The following SUGP2 variants were observed in gnomAD, a reference collection of about 807,000 sequenced individuals.
The protein encoded by SUGP2 is SURP and G-patch domain-containing protein 2.
In SUGP2, 24 loss-of-function variants were observed where a neutral mutation model predicts 90.5. The ratio of observed to expected loss-of-function variants is 0.27; its 90% CI spans 0.19 to 0.37. The LOEUF (loss-of-function observed/expected upper bound fraction) is 0.37. Among genes scored for constraint, SUGP2 ranks in the 10% least tolerant of loss-of-function variants. The pLI, the probability that SUGP2 is intolerant of heterozygous loss-of-function variation, is 1.00. For synonymous variants in SUGP2, 473 were observed against 513.4 expected (o/e 0.92, Z 1.06); for missense variants, 1,233 against 1,363.3 (o/e 0.90, Z 1.51).
At chr19:19,021,251 G>C (rs540044725) in intron 3 of SUGP2, among the ~76,000 whole-genome samples, 3 of 150,670 alleles carry the variant, frequency 2.0e-5, no homozygotes, top group Non-Finnish European at 2.9e-5. Flanking sequence ...AGGTTTTCCA[G>C]TTTGTTCTGT....
chr19:19,009,995 G>A lies in SUGP2; in HGVS notation c.2198C>T (p.Ala733Val). 6.2e-7 allele frequency: 1 copy of A among 1,614,164 alleles called. No individual in the cohort carries two copies. The highest frequency in any genetic ancestry group is 8.5e-7 in the Non-Finnish European group (1 of 1,180,036). The change falls in exon 5 of 11, where the codon GCT becomes GTT. Residue 733 changes from alanine to valine, a missense_variant. By Grantham distance (64) the Ala-to-Val change is moderately conservative. Transcript: ENST00000452918. ...AKPSLPDRND[A>V]AKDCPPDPVG... ...TGGGTCTGGCGGGCAGTCCTTGGCA[G>A]CATCATTTCTGTCTGGCAGGGATGG...
chr19:19,002,782 G>C (rs1599423466), intron 7 of SUGP2, among the ~76,000 whole-genome samples: 1 of 151,646 alleles, frequency 6.6e-6, no homozygotes, highest in East Asian at 1.9e-4. Flanking sequence ...CAGAGTGCTG[G>C]GATTACAGGT....
chr19:19,016,195 A>AT (rs566185847), intron 4 of SUGP2, among the ~76,000 whole-genome samples: 32 of 150,814 alleles, frequency 2.1e-4, no homozygotes, highest in African/African-American at 7.3e-4. Flanking sequence ...GGCCCGGCTA[A>AT]TTTTTTTTTG....
Position 19,001,603 on chromosome 19 carries a change from T to TTAG in SUGP2, c.2991+9_2991+10insCTA. 1 of 1,614,138 alleles carries TTAG rather than the reference T, an allele frequency of 6.2e-7. No individual in the cohort carries two copies. Among genetic ancestry groups the TTAG allele is most frequent in the Non-Finnish European group, 8.5e-7 (1 of 1,179,944 alleles). On this transcript the variant is annotated intron_variant, in intron 8 of 10. Coordinates refer to ENST00000452918, the MANE Select transcript of SUGP2 (RefSeq NM_001017392.5). ...TACTTTGAGTGAGGACTACCAATGATTACGCTCACCTTCTTTTTGGACATG... is the reference window on the plus strand; with the variant it reads ...TACTTTGAGTGAGGACTACCAATGATTAGTACGCTCACCTTCTTTTTGGACATG...
At chr19:19,033,638 T>G (rs2059289188), upstream of SUGP2, 1 of 1,076,322 alleles carries the variant, frequency 9.3e-7, no homozygotes, top group South Asian at 4.6e-5. Flanking sequence ...CGCTGTCCGC[T>G]TCTTCTGGGC....
At chr19:19,002,377 T>A (rs1316823404) in intron 7 of SUGP2, among the ~76,000 whole-genome samples, 13 of 144,586 alleles carry the variant, frequency 9.0e-5, no homozygotes, top group African/African-American at 3.3e-4. Context: ...CAAGAGTCCA[T>A]CTCAAAAAAA....
chr19:19,033,223 G>C (rs2059258411), intron 1 of SUGP2: 1 of 327,224 alleles, frequency 3.1e-6, no homozygotes, highest in Admixed American at 5.9e-5. Context: ...GCGGCCCGCC[G>C]TCTCCCGGCC....
Position 19,019,152 on chromosome 19 carries a change from A to T in SUGP2, c.1807T>A (p.Ser603Thr), listed in dbSNP as rs1452857007. The stretch of plus-strand genomic sequence containing the variant: ...TTGAGAAGAGTTCTCTCTTTGGGAG[A>T]CAGGCTGCCTTCGATGACACGTTTC... ...LVKRVIEGSLSPKERTLLKED... is the reference protein window; with the variant it reads ...LVKRVIEGSLTPKERTLLKED... The change falls in exon 4 of 11, where the codon TCT becomes ACT. Residue 603 changes from serine to threonine, a missense_variant. Coordinates refer to ENST00000452918, the MANE Select transcript of SUGP2 (RefSeq NM_001017392.5). 3 of 1,614,140 alleles carry T rather than the reference A, an allele frequency of 1.9e-6. No individual in the cohort carries two copies. The South Asian group carries it at 3.3e-5, about 18-fold the overall frequency.
chr19:19,013,241 A>T (rs1859267), intron 4 of SUGP2, among the ~76,000 whole-genome samples: 101,557 of 152,058 alleles, frequency 0.67, 34,753 homozygotes, highest in East Asian at 0.89. Flanking sequence ...CAAGATTCAC[A>T]ATCTATATGT....
At chr19:19,003,236 A>G (rs1057092856) in intron 7 of SUGP2, among the ~76,000 whole-genome samples, 2 of 152,248 alleles carry the variant, frequency 1.3e-5, no homozygotes, top group African/African-American at 2.4e-5. Flanking sequence ...CCACTGTCAC[A>G]TGTAAATGTG....
At chr19:18,994,123 G>A in intron 10 of SUGP2, 2 of 419,966 alleles carry the variant, frequency 4.8e-6, no homozygotes. Context: ...CGGGGCACCA[G>A]GCAGGCCATG....
intron 3 of SUGP2, among the ~76,000 whole-genome samples, chr19:19,024,097 C>G (rs117598977): frequency 3.7e-4 from 57 of 152,184 alleles, no homozygotes; most frequent in Non-Finnish European, 6.6e-4. Flanking sequence ...AGGTATTTGA[C>G]CTAAAAATGT....
At chr19:19,010,995 A>G (rs1175446446) in intron 4 of SUGP2, among the ~76,000 whole-genome samples, 24 of 151,398 alleles carry the variant, frequency 1.6e-4, no homozygotes, top group Non-Finnish European at 5.9e-5. Context: ...AAAATTAGCC[A>G]GGGTGGTGGT....
At chr19:19,023,651 C>A (rs2058812810) in intron 3 of SUGP2, among the ~76,000 whole-genome samples, 1 of 152,134 alleles carries the variant, frequency 6.6e-6, no homozygotes, top group African/African-American at 2.4e-5. Flanking sequence ...ATAATCCCAG[C>A]ACTTTGGGAG....
At chr19:19,027,932 C>G (rs1046756342) in intron 2 of SUGP2, among the ~76,000 whole-genome samples, 1 of 152,086 alleles carries the variant, frequency 6.6e-6, no homozygotes, top group African/African-American at 2.4e-5. Context: ...CACCGTGTCA[C>G]GCTGCATAGC....
chr19:19,008,528 T>A (rs1048780691), intron 5 of SUGP2, 100 bp from the exon 6 acceptor site: 4 of 919,932 alleles, frequency 4.3e-6, no homozygotes, highest in Admixed American at 3.4e-5. Context: ...ATGGCCTGCA[T>A]GTCCCCTCCC....
intron 10 of SUGP2, chr19:18,994,067 C>T (rs983312622): frequency 1.2e-5 from 3 of 258,192 alleles, no homozygotes; most frequent in East Asian, 9.0e-5. Flanking sequence ...TATTTCCACA[C>T]GCACATCCAC....
intron 7 of SUGP2, among the ~76,000 whole-genome samples, chr19:19,002,505 GTTT>G (rs58282570): frequency 1.4e-3 from 85 of 61,132 alleles, no homozygotes; most frequent in East Asian, 0.013. Context: ...TAGCAAGTCT[GTTT>G]TTTTTTTTTT....
intron 3 of SUGP2, among the ~76,000 whole-genome samples, chr19:19,021,017 G>C (rs911975162): frequency 6.6e-6 from 1 of 151,950 alleles, no homozygotes; most frequent in Non-Finnish European, 1.5e-5. Context: ...AAATTAGCCA[G>C]GTGTGGTGGC....
Sources: allele counts gnomAD v4.1 joint callset (sites outside exome capture counted in the v4.1 genomes callset), GRCh38; gene constraint gnomAD v4.1.1; transcripts MANE v1.5; gene names NCBI Gene and HGNC (gene_info 2026-07-23, HGNC 2026-07-21).